The following R3HDM4 variants were observed in gnomAD, a reference collection of about 807,000 sequenced individuals.
The protein encoded by R3HDM4 is R3H domain-containing protein 4.
Under a neutral mutation model 31.3 loss-of-function variants are expected in R3HDM4, and 30 were observed. The observed-to-expected ratio is 0.96, with a 90% confidence interval of 0.72 to 1.30. R3HDM4 has a LOEUF of 1.30. R3HDM4 is among the 50% of genes most tolerant of loss of function. R3HDM4 has a pLI of 0.00. For synonymous variants in R3HDM4, 196 were observed against 156.6 expected (o/e 1.25, Z -1.88); for missense variants, 444 against 366.1 (o/e 1.21, Z -1.74).
rs1159233580 is a variant in R3HDM4 at position 913,067 on chromosome 19, C to T, written c.71+20G>A. The T allele has an allele frequency of 1.6e-5, 16 of 1,024,642 alleles. No homozygotes were observed. Among genetic ancestry groups the T allele is most frequent in the Non-Finnish European group, 1.5e-5 (13 of 853,264 alleles). The allele number at this position is 1,024,642 out of a possible 1,614,324, so 63.5% of individuals were successfully genotyped here. A position where few individuals can be genotyped will look rare whatever the true frequency, so the allele number is the denominator to read the frequency against. ...CAGCCCGCCCCCGGCGCCCGCCGCG[C>T]CCCGCCCGCCCGCGCTCACAGCAGC... On this transcript the variant is annotated intron_variant, in intron 1 of 7. Coordinates refer to ENST00000361574, the MANE Select transcript of R3HDM4 (RefSeq NM_138774.4). This position sits in a 1 kb window ranked among gnomAD's most constrained non-coding sequence, Gnocchi z 5.0.
chr19:903,788 C>T (rs989285692), intron 1 of R3HDM4, among the ~76,000 whole-genome samples: 16 of 151,860 alleles, frequency 1.1e-4, no homozygotes, highest in Non-Finnish European at 2.1e-4. Flanking sequence ...CGGTGGCTCA[C>T]GCCTGTCATC....
In R3HDM4 at chr19:901,873, C is replaced by T. The variant is rs114577129; in HGVS notation, c.226+103G>A. 491 of 1,444,840 alleles carry T rather than the reference C, an allele frequency of 3.4e-4. 1 individual carries two copies. The African/African-American group carries it at 5.9e-3, about 17-fold the overall frequency. 89.5% of individuals were successfully genotyped at this position (1,444,840 alleles called of 1,614,324 possible). On this transcript the variant is annotated intron_variant, in intron 2 of 7. Coordinates refer to ENST00000361574, the MANE Select transcript of R3HDM4 (RefSeq NM_138774.4). Reference sequence around the variant, plus strand: ...TGACACCTCTTTGGGTCCCCAGCCCCACCCAGGCACAGCTCATGGGAGGGG... The same window carrying T: ...TGACACCTCTTTGGGTCCCCAGCCCTACCCAGGCACAGCTCATGGGAGGGG...
chr19:905,194 C>A (rs376063035), intron 1 of R3HDM4, among the ~76,000 whole-genome samples: 1 of 148,222 alleles, frequency 6.7e-6, no homozygotes, highest in Non-Finnish European at 1.5e-5. Context: ...GTGAACAGAG[C>A]GAGACTTGGC....
In R3HDM4 at chr19:899,772, C is replaced by G. The variant is rs1052797048; in HGVS notation, c.562-86G>C. 3.5e-6 allele frequency: 4 copies of G among 1,134,434 alleles called. No homozygotes were observed. In the Admixed American group the frequency reaches 8.6e-5, roughly 24 times the overall value. The allele number at this position is 1,134,434 out of a possible 1,614,324, so 70.3% of individuals were successfully genotyped here. ...GTCCAGGGCCCCCAGGAGCCCACAG[C>G]GCTGGGCTCAAACATGACCTCTGAC... is the stretch of plus-strand genomic sequence containing the variant. On this transcript the variant is annotated intron_variant, in intron 5 of 7. Transcript: ENST00000361574. The surrounding 1 kb of genome is among the most constrained non-coding windows in gnomAD (Gnocchi z 6.8).
chr19:905,907 T>C (rs934307108), intron 1 of R3HDM4, among the ~76,000 whole-genome samples: 1 of 152,136 alleles, frequency 6.6e-6, no homozygotes, highest in African/African-American at 2.4e-5. Flanking sequence ...CAGAACTCAA[T>C]GGCCCAGGCA....
rs1271984096 is a variant in R3HDM4 at position 900,114 on chromosome 19, G to C, written c.508C>G (p.Gln170Glu). 3.7e-6 allele frequency: 6 copies of C among 1,605,146 alleles called. No homozygotes were observed. The African/African-American group carries it at 6.7e-5, about 18-fold the overall frequency. Reference protein sequence around the residue: ...DPAYTPRECFQRISRRLRAVL... With the variant: ...DPAYTPRECFERISRRLRAVL... ...GCTCGCAGACGCCGGCTGATGCGCT[G>C]GAAGCACTCGCGGGGTGTATAGGCG... The change falls in exon 5 of 8, where the codon CAG (glutamine) becomes GAG (glutamate). Residue 170 changes from glutamine to glutamate, a missense_variant. Physicochemically the swap from Gln to Glu is conservative, Grantham distance 29 (BLOSUM62 2). Coordinates refer to ENST00000361574, the MANE Select transcript of R3HDM4 (RefSeq NM_138774.4).
At chr19:908,912 G>A (rs1021926971) in intron 1 of R3HDM4, among the ~76,000 whole-genome samples, 7 of 152,188 alleles carry the variant, frequency 4.6e-5, no homozygotes, top group African/African-American at 1.4e-4. Flanking sequence ...GCCGCCCCCC[G>A]GTCCTGGCCT....
chr19:903,238 CA>C lies in R3HDM4; in HGVS notation c.72-1109del, dbSNP rs1201560746. Among the ~76,000 whole-genome samples the C allele has an allele frequency of 6.8e-3, 1,001 of 147,264 alleles. 4 individuals carry two copies. The highest frequency in any genetic ancestry group is 0.017 in the South Asian group (80 of 4,640). On this transcript the variant is annotated intron_variant, in intron 1 of 7. Transcript: ENST00000361574. ...CAAGGTGATGCCTCAGCCCCCCCCG[CA>C]AACCCCCCCCTTAATGTCCCCTGTC...
At chr19:897,586 C>T (rs766408729) in intron 7 of R3HDM4, 46 bp from the exon 8 acceptor site, 63 of 1,492,788 alleles carry the variant, frequency 4.2e-5, no homozygotes, top group Non-Finnish European at 5.6e-5. Flanking sequence ...ATTTGGGAGC[C>T]GCGGCAGGTA....
At chr19:911,437 C>A (rs1297619433) in intron 1 of R3HDM4, among the ~76,000 whole-genome samples, 1 of 152,262 alleles carries the variant, frequency 6.6e-6, no homozygotes, top group Non-Finnish European at 1.5e-5. Flanking sequence ...GAGCGAGACT[C>A]CGTCTCAAAA....
In R3HDM4 at chr19:901,515, G is replaced by T. The variant is rs747963023; in HGVS notation, c.258C>A (p.Asp86Glu). The T allele has an allele frequency of 9.9e-6, 16 of 1,608,104 alleles. No homozygotes were observed. In the South Asian group the frequency reaches 1.5e-4, roughly 15 times the overall value. The change falls in exon 3 of 8, where the codon GAC becomes GAA. Residue 86 changes from aspartate to glutamate, a missense_variant. Coordinates refer to ENST00000361574, the MANE Select transcript of R3HDM4 (RefSeq NM_138774.4). ...CATCCTCCAGGCCAGGCAGGCCCCC[G>T]TCTGTCTCCAGCAGGGTCAGGAGGT... ...TQYLLTLLET[D>E]GGLPGLEDGD...
intron 2 of R3HDM4, 170 bp downstream of exon 2, chr19:901,806 G>C: frequency 1.2e-6 from 1 of 847,342 alleles, no homozygotes; most frequent in South Asian, 1.6e-5. Flanking sequence ...TCCAGGGGGC[G>C]CCTGTGTCTG....
At chr19:906,031 C>T (rs1008817541) in intron 1 of R3HDM4, among the ~76,000 whole-genome samples, 3 of 147,444 alleles carry the variant, frequency 2.0e-5, no homozygotes, top group Non-Finnish European at 4.5e-5. Flanking sequence ...CTGAAACCCC[C>T]TTTTTTTTTT....
At chr19:904,038 G>A (rs951705149) in intron 1 of R3HDM4, among the ~76,000 whole-genome samples, 12 of 152,214 alleles carry the variant, frequency 7.9e-5, no homozygotes, top group Non-Finnish European at 1.5e-4. Flanking sequence ...ACGACAGAGC[G>A]AGACTCTGTC....
rs1467623237 is a variant in R3HDM4 at position 901,512 on chromosome 19, C to T, written c.261G>A (p.Gly87=). Reference sequence around the variant, plus strand: ...CCCCATCCTCCAGGCCAGGCAGGCCCCCGTCTGTCTCCAGCAGGGTCAGGA... The same window carrying T: ...CCCCATCCTCCAGGCCAGGCAGGCCTCCGTCTGTCTCCAGCAGGGTCAGGA... ...QYLLTLLETD[G]GLPGLEDGDL... is the part of the protein sequence containing the mutation. The change falls in exon 3 of 8, where the codon GGG becomes GGA. Residue 87 remains glycine, a synonymous_variant. Transcript: ENST00000361574. 2.5e-6 allele frequency: 4 copies of T among 1,608,280 alleles called. No individual in the cohort carries two copies. The highest frequency in any genetic ancestry group is 1.7e-6 in the Non-Finnish European group (2 of 1,179,802).
intron 1 of R3HDM4, among the ~76,000 whole-genome samples, chr19:906,090 T>C (rs138134345): frequency 0.01 from 1,523 of 152,172 alleles, 24 homozygotes; most frequent in African/African-American, 0.035. Context: ...AGTGGTGCGA[T>C]CTCCGCTCAC....
intron 1 of R3HDM4, among the ~76,000 whole-genome samples, chr19:903,066 T>C (rs2036857046): frequency 1.3e-5 from 2 of 151,850 alleles, no homozygotes; most frequent in African/African-American, 4.8e-5. Flanking sequence ...CCAACCCCAG[T>C]GTTCAAGGTG....
chr19:902,223 C>G, intron 1 of R3HDM4, 93 bp from the exon 2 acceptor site: 1 of 1,451,982 alleles, frequency 6.9e-7, no homozygotes, highest in Non-Finnish European at 9.5e-7. Context: ...TTGGTTTCCC[C>G]CAGCAATGGA....
At position 900,130 on chromosome 19, in the gene R3HDM4, T is replaced by G; in HGVS notation, c.492A>C (p.Thr164=). ...EDRRREDPAY[T]PRECFQRISR... ...TGATGCGCTGGAAGCACTCGCGGGG[T>G]GTATAGGCGGGGTCCTCTGCAGGAG... Residue 164 remains threonine (T), a synonymous_variant, in exon 5 of 8, where the codon ACA becomes ACC. Transcript: ENST00000361574. The G allele has an allele frequency of 6.3e-7, 1 of 1,591,536 alleles. No homozygotes were observed. Among genetic ancestry groups the G allele is most frequent in the Non-Finnish European group, 8.5e-7 (1 of 1,169,836 alleles).
Sources: gnomAD v4.1 joint callset for allele counts (sites outside exome capture counted in the v4.1 genomes callset) on GRCh38, gnomAD v4.1.1 for gene constraint, Gnocchi (gnomAD v3.1) non-coding constraint, MANE v1.5 for transcripts, NCBI Gene and HGNC (gene_info 2026-07-23, HGNC 2026-07-21) for gene names.